CRISPLD2: variants seen among roughly 807,000 people sequenced by gnomAD.
The protein encoded by CRISPLD2 is cysteine rich secretory protein LCCL domain containing 2.
Under a neutral mutation model 71.1 loss-of-function variants are expected in CRISPLD2, and 47 were observed. That is an observed-to-expected ratio of 0.66 (90% CI 0.52 to 0.84). The LOEUF (loss-of-function observed/expected upper bound fraction) is 0.84. Among genes scored for constraint, CRISPLD2 ranks in the 40% least tolerant of loss-of-function variants. The pLI is 0.00. For synonymous variants in CRISPLD2, 317 were observed against 250.1 expected, an observed-to-expected ratio of 1.27 and a Z score of -2.52; for missense variants, 830 against 651.1, an observed-to-expected ratio of 1.27 and a Z score of -2.99.
At chr16:84,842,676 C>T (rs12102503) in intron 2 of CRISPLD2, among the ~76,000 whole-genome samples, 3 of 151,934 alleles carry the variant, frequency 2.0e-5, no homozygotes, top group African/African-American at 4.8e-5. Context: ...GCCCAACCTA[C>T]GTTTTTCTTT....
At chr16:84,892,300 G>C (rs369066061) in intron 14 of CRISPLD2, among the ~76,000 whole-genome samples, 2 of 152,342 alleles carry the variant, frequency 1.3e-5, no homozygotes, top group South Asian at 2.1e-4. Flanking sequence ...GTCCTCGGGG[G>C]CATCGTGCTG....
At chr16:84,874,335 T>A (rs747184030) in intron 11 of CRISPLD2, among the ~76,000 whole-genome samples, 2 of 152,194 alleles carry the variant, frequency 1.3e-5, no homozygotes, top group Non-Finnish European at 2.9e-5. Context: ...CTGGGCTTAG[T>A]GGAAAACAGA....
At chr16:84,875,181 C>CAATG (rs1485739521) in intron 11 of CRISPLD2, among the ~76,000 whole-genome samples, 1 of 151,924 alleles carries the variant, frequency 6.6e-6, no homozygotes. Flanking sequence ...CTTGAGGCTG[C>CAATG]AATGAGTCAT....
chr16:84,878,592 G>A (rs375698051), intron 12 of CRISPLD2, among the ~76,000 whole-genome samples: 1 of 152,218 alleles, frequency 6.6e-6, no homozygotes, highest in East Asian at 1.9e-4. Flanking sequence ...GGTTCTACAG[G>A]CAGCTAACCC....
intron 1 of CRISPLD2, among the ~76,000 whole-genome samples, chr16:84,821,635 C>T (rs1010571464): frequency 6.6e-6 from 1 of 152,204 alleles, no homozygotes; most frequent in Admixed American, 6.5e-5. Context: ...ATGAACCTGA[C>T]CTTCACACAG....
At chr16:84,861,875 A>G (rs1247072817) in intron 6 of CRISPLD2, among the ~76,000 whole-genome samples, 5 of 152,186 alleles carry the variant, frequency 3.3e-5, no homozygotes, top group Non-Finnish European at 7.3e-5. Flanking sequence ...GGCTGCAGTA[A>G]GCCATGATGG....
chr16:84,854,969 CCG>C lies in CRISPLD2; in HGVS notation c.709+142_709+143del, dbSNP rs1917196946. ...TTAAGACGCTCTCAGCACATTCCTC[CCG>C]CCTCCGTGATGAGCTGAGCCTCATC... is the stretch of plus-strand genomic sequence containing the variant. On this transcript the variant is annotated intron_variant, in intron 6 of 14. Transcript: ENST00000262424. 5.8e-6 allele frequency: 4 copies of C among 687,210 alleles called. No homozygotes were observed. In the South Asian group the frequency reaches 6.7e-5, roughly 12 times the overall value. 42.6% of individuals were successfully genotyped at this position (687,210 alleles called of 1,614,324 possible).
chr16:84,822,076 GT>G (rs977085725), intron 1 of CRISPLD2, among the ~76,000 whole-genome samples: 21 of 152,304 alleles, frequency 1.4e-4, no homozygotes, highest in African/African-American at 4.8e-4. Flanking sequence ...CCATGTGGGA[GT>G]TTTTTTAACG....
At chr16:84,884,281 C>T (rs979098299) in intron 13 of CRISPLD2, among the ~76,000 whole-genome samples, 1 of 152,106 alleles carries the variant, frequency 6.6e-6, no homozygotes, top group South Asian at 2.1e-4. Context: ...AAGGTGTGAG[C>T]CCCCCTGCCC....
chr16:84,904,683 C>T (rs1452475157), intron 14 of CRISPLD2, among the ~76,000 whole-genome samples: 1 of 151,740 alleles, frequency 6.6e-6, no homozygotes, highest in Non-Finnish European at 1.5e-5. Context: ...TTGATTTTGA[C>T]ATCGGTGCCA....
At chr16:84,852,110 C>G (rs1486576660) in intron 5 of CRISPLD2, among the ~76,000 whole-genome samples, 2 of 152,218 alleles carry the variant, frequency 1.3e-5, no homozygotes, top group Non-Finnish European at 2.9e-5. Flanking sequence ...CGGCCACTAT[C>G]TTACATGGTG....
chr16:84,891,469 C>A (rs115060570), intron 14 of CRISPLD2, among the ~76,000 whole-genome samples: 2,062 of 152,308 alleles, frequency 0.014, 55 homozygotes, highest in African/African-American at 0.047. Context: ...ACGTTTTCTC[C>A]TTCAGCACGT....
chr16:84,893,148 T>G (rs993588715), intron 14 of CRISPLD2, among the ~76,000 whole-genome samples: 1 of 152,028 alleles, frequency 6.6e-6, no homozygotes, highest in Non-Finnish European at 1.5e-5. Flanking sequence ...CCCGCTGCAC[T>G]GGGGACACTG....
chr16:84,827,337 C>T (rs1459245688), intron 1 of CRISPLD2, among the ~76,000 whole-genome samples: 1 of 152,060 alleles, frequency 6.6e-6, no homozygotes, highest in Admixed American at 6.5e-5. Flanking sequence ...CCTGTCACCG[C>T]CCGACTTCCC....
chr16:84,906,147 C>T (rs145239840), intron 14 of CRISPLD2, among the ~76,000 whole-genome samples: 16 of 152,156 alleles, frequency 1.1e-4, no homozygotes, highest in African/African-American at 2.9e-4. Flanking sequence ...TGTGAACGAG[C>T]GATAACAGCT....
intron 1 of CRISPLD2, among the ~76,000 whole-genome samples, chr16:84,831,782 G>A (rs534647682): frequency 2.0e-5 from 3 of 152,078 alleles, no homozygotes; most frequent in East Asian, 1.9e-4. Context: ...TCACCCAGGC[G>A]GGAGTGCAGA....
In CRISPLD2 at chr16:84,906,665, G is replaced by A; in HGVS notation, c.*23G>A. ...TGAATTTCCAGCACCAGGGGAGAAG[G>A]GGCGTCTTCAGGAGGGCTTCGGGGT... On this transcript the variant is annotated 3_prime_UTR_variant, in exon 15 of 15. Coordinates refer to ENST00000262424, the MANE Select transcript of CRISPLD2 (RefSeq NM_031476.4). 6.2e-7 allele frequency: 1 copy of A among 1,614,016 alleles called. No individual in the cohort carries two copies. The highest frequency in any genetic ancestry group is 8.5e-7 in the Non-Finnish European group (1 of 1,179,878).
At chr16:84,842,323 C>G (rs1363651655) in intron 2 of CRISPLD2, 1 of 135,824 alleles carries the variant, frequency 7.4e-6, no homozygotes, top group Non-Finnish European at 1.6e-5. Flanking sequence ...CGCCCTCCGT[C>G]CCTCCCTCCC....
intron 12 of CRISPLD2, among the ~76,000 whole-genome samples, chr16:84,880,079 G>A (rs953666940): frequency 4.6e-5 from 7 of 152,124 alleles, no homozygotes; most frequent in African/African-American, 1.7e-4. Context: ...TCAGCGAGGT[G>A]AGGGCCCTCC....
Sources: allele counts gnomAD v4.1 joint callset (sites outside exome capture counted in the v4.1 genomes callset), GRCh38; gene constraint gnomAD v4.1.1; transcripts MANE v1.5; gene names NCBI Gene and HGNC (gene_info 2026-07-23, HGNC 2026-07-21).